The following UNC5C variants were observed in gnomAD, a reference collection of about 807,000 sequenced individuals.
The protein encoded by UNC5C is netrin receptor UNC5C.
Under a neutral mutation model 99.8 loss-of-function variants are expected in UNC5C, and 47 were observed. The ratio of observed to expected loss-of-function variants is 0.47; its 90% CI spans 0.37 to 0.60. The LOEUF is 0.60. UNC5C is among the 20% of genes least tolerant of loss of function. The probability of loss-of-function intolerance (pLI) is 0.00; values close to 1 mark genes in which losing one functional copy is unlikely to be tolerated. For missense variants in UNC5C, 1,062 were observed against 1,165.9 expected, an observed-to-expected ratio of 0.91 and a Z score of 1.30; for synonymous variants, 487 against 452.2, an observed-to-expected ratio of 1.08 and a Z score of -0.98.
At position 95,196,128 on chromosome 4, in the gene UNC5C, G is replaced by A. The variant is rs547949720; in HGVS notation, c.2136+6603C>T. Among the ~76,000 whole-genome samples, 11 of 152,214 alleles carry A rather than the reference G, an allele frequency of 7.2e-5. 1 individual carries two copies. Among genetic ancestry groups the A allele is most frequent in the Admixed American group, 5.2e-4 (8 of 15,278 alleles). On this transcript the variant is annotated intron_variant, in intron 12 of 15. Transcript: ENST00000453304. ...GACAGAAATGACTTATTTCCACATA[G>A]ACGTATGTTTCTCCTAGGTGTTTTT... is the stretch of plus-strand genomic sequence containing the variant.
At chr4:95,327,930 G>T (rs1423587688) in intron 2 of UNC5C, among the ~76,000 whole-genome samples, 1 of 150,902 alleles carries the variant, frequency 6.6e-6, no homozygotes, top group African/African-American at 2.4e-5. Flanking sequence ...CTGTCACACT[G>T]ACTCTTCACG....
At chr4:95,211,124 T>C (rs1475439112) in intron 10 of UNC5C, among the ~76,000 whole-genome samples, 1 of 152,218 alleles carries the variant, frequency 6.6e-6, no homozygotes. Context: ...GGAAAGAATC[T>C]GTCTCCATCC....
intron 1 of UNC5C, among the ~76,000 whole-genome samples, chr4:95,363,084 T>C (rs9991852): frequency 0.13 from 20,398 of 152,100 alleles, 1,620 homozygotes; most frequent in African/African-American, 0.2. Flanking sequence ...GACTGGGCCA[T>C]GGACACACTT....
chr4:95,504,016 C>T (rs368106572), intron 1 of UNC5C, among the ~76,000 whole-genome samples: 80 of 152,200 alleles, frequency 5.3e-4, no homozygotes, highest in East Asian at 2.9e-3. Flanking sequence ...AATCAATCAC[C>T]ACTATGTAAT....
At chr4:95,545,563 A>G (rs1002266486) in intron 1 of UNC5C, among the ~76,000 whole-genome samples, 15 of 152,032 alleles carry the variant, frequency 9.9e-5, no homozygotes, top group Admixed American at 3.3e-4. Flanking sequence ...AAAAAAAAAA[A>G]CTATGAATTA....
At chr4:95,408,333 T>C (rs1344914718) in intron 1 of UNC5C, among the ~76,000 whole-genome samples, 2 of 152,172 alleles carry the variant, frequency 1.3e-5, no homozygotes, top group South Asian at 4.1e-4. Context: ...AAATTCTCTG[T>C]CTATAAGATA....
chr4:95,341,782 T>C (rs1172882899), intron 1 of UNC5C, among the ~76,000 whole-genome samples: 1 of 152,130 alleles, frequency 6.6e-6, no homozygotes, highest in Non-Finnish European at 1.5e-5. Context: ...TCTTGAATTG[T>C]TAATGTCACC....
chr4:95,172,847 C>T (rs952801156), intron 14 of UNC5C, among the ~76,000 whole-genome samples: 17 of 152,190 alleles, frequency 1.1e-4, no homozygotes, highest in South Asian at 1.0e-3. Context: ...GCCATTTTCA[C>T]GATATTGATT....
chr4:95,354,482 T>A (rs867141618), intron 1 of UNC5C, among the ~76,000 whole-genome samples: 2,244 of 133,644 alleles, frequency 0.017, 57 homozygotes, highest in East Asian at 0.024. Flanking sequence ...TATATATATT[T>A]TTTTTTTTTT....
intron 1 of UNC5C, among the ~76,000 whole-genome samples, chr4:95,497,753 G>T (rs1015938866): frequency 6.6e-6 from 1 of 151,896 alleles, no homozygotes; most frequent in Non-Finnish European, 1.5e-5. Context: ...TGGTATTAGA[G>T]AAAGTTAAGA....
chr4:95,258,315 CT>C (rs1188419035), intron 4 of UNC5C, among the ~76,000 whole-genome samples: 1 of 152,158 alleles, frequency 6.6e-6, no homozygotes, highest in South Asian at 2.1e-4. Flanking sequence ...CATTTCAATG[CT>C]TTTTGTTGAT....
At chr4:95,266,985 C>A (rs1463291475) in intron 4 of UNC5C, among the ~76,000 whole-genome samples, 1 of 152,084 alleles carries the variant, frequency 6.6e-6, no homozygotes, top group Non-Finnish European at 1.5e-5. Flanking sequence ...ATGAAGCTAC[C>A]AAAGACAGAT....
intron 2 of UNC5C, among the ~76,000 whole-genome samples, chr4:95,311,294 TA>T (rs201367631): frequency 0.011 from 1,664 of 151,998 alleles, 10 homozygotes; most frequent in Middle Eastern, 0.02. Flanking sequence ...CTTTGGAATA[TA>T]AAAAAAACAA....
At chr4:95,172,400 T>G (rs1393988708) in intron 14 of UNC5C, among the ~76,000 whole-genome samples, 1 of 151,696 alleles carries the variant, frequency 6.6e-6, no homozygotes, top group African/African-American at 2.4e-5. Flanking sequence ...TTAATCCATC[T>G]CGAATTGATT....
chr4:95,278,288 G>T lies in UNC5C; in HGVS notation c.565C>A (p.Arg189=). Reference sequence around the variant, plus strand: ...GCCACTGGGATCCCTTCAGGTGGTCGACACTGGAGTAAGACTTCCTGTTCC... The same window carrying T: ...GCCACTGGGATCCCTTCAGGTGGTCTACACTGGAGTAAGACTTCCTGTTCC... ...SLEQEVLLQC[R]PPEGIPVAEV... The change falls in exon 4 of 16, where the codon CGA becomes AGA. Residue 189 remains arginine (R), a synonymous_variant. Coordinates refer to ENST00000453304, the MANE Select transcript of UNC5C (RefSeq NM_003728.4). 1 of 1,614,032 alleles carries T rather than the reference G, an allele frequency of 6.2e-7. No individual in the cohort carries two copies. Among genetic ancestry groups the T allele is most frequent in the Non-Finnish European group, 8.5e-7 (1 of 1,179,992 alleles).
chr4:95,193,069 T>C (rs922986458), intron 12 of UNC5C, among the ~76,000 whole-genome samples: 4 of 152,220 alleles, frequency 2.6e-5, no homozygotes. Context: ...GGCGATGAAA[T>C]CCAGGATGTG....
At chr4:95,232,559 G>T (rs971586236) in intron 7 of UNC5C, among the ~76,000 whole-genome samples, 1 of 152,092 alleles carries the variant, frequency 6.6e-6, no homozygotes, top group South Asian at 2.1e-4. Context: ...CCCATGCTTT[G>T]CTGTAGTTGC....
intron 1 of UNC5C, among the ~76,000 whole-genome samples, chr4:95,450,641 T>C (rs931080285): frequency 6.6e-5 from 10 of 152,236 alleles, no homozygotes; most frequent in Non-Finnish European, 1.2e-4. Context: ...TATCTATTAT[T>C]AGTAATGCTG....
At chr4:95,479,983 G>T (rs1721086539) in intron 1 of UNC5C, among the ~76,000 whole-genome samples, 1 of 151,574 alleles carries the variant, frequency 6.6e-6, no homozygotes, top group African/African-American at 2.4e-5. Flanking sequence ...GAATGTCTTT[G>T]AGCTGGGACA....
Sources: gnomAD v4.1 joint callset for allele counts (sites outside exome capture counted in the v4.1 genomes callset) on GRCh38, gnomAD v4.1.1 for gene constraint, MANE v1.5 for transcripts, NCBI Gene and HGNC (gene_info 2026-07-23, HGNC 2026-07-21) for gene names.